The following THRAP3 variants were observed in gnomAD, a reference collection of about 807,000 sequenced individuals.
THRAP3 encodes the protein thyroid hormone receptor associated protein 3.
THRAP3 carries 16 observed loss-of-function variants against 101.0 expected under a neutral mutation model. The observed-to-expected ratio is 0.16, with a 90% CI of 0.11 to 0.24. The LOEUF is 0.24. THRAP3 is among the 10% of genes least tolerant of loss of function. THRAP3 has a pLI of 1.00. For missense variants in THRAP3, 989 were observed against 1,202.7 expected, an observed-to-expected ratio of 0.82 and a Z score of 2.63; for synonymous variants, 407 against 422.6, an observed-to-expected ratio of 0.96 and a Z score of 0.45.
Position 36,301,093 on chromosome 1 carries a change from T to G in THRAP3, c.2502+9T>G, listed in dbSNP as rs753701201. ...GAGCTCGAGGAACCTTTGTAAGACCTTCCCCTCTCCCCCTTTCTCTGAGAC... is the reference window on the plus strand; with the variant it reads ...GAGCTCGAGGAACCTTTGTAAGACCGTCCCCTCTCCCCCTTTCTCTGAGAC... On this transcript the variant is annotated intron_variant, in intron 10 of 11. Transcript: ENST00000354618. 5 of 1,613,036 alleles carry G rather than the reference T, an allele frequency of 3.1e-6. No homozygotes were observed. The highest frequency in any genetic ancestry group is 4.2e-6 in the Non-Finnish European group (5 of 1,179,320).
At chr1:36,301,460 C>T (rs1385914211) in intron 10 of THRAP3, 93 bp from the exon 11 acceptor site, 6 of 1,487,066 alleles carry the variant, frequency 4.0e-6, no homozygotes, top group African/African-American at 2.8e-5. Flanking sequence ...CTGTCTATTC[C>T]ACACCAGAAA....
rs768248188 is a variant in THRAP3 at position 36,296,653 on chromosome 1, A to G, written c.2186A>G (p.Glu729Gly). ...ATTGAACGTCGTAAAAAACATAAGG[A>G]GAGAGATCTTAAACGAGGTAAATCG... Reference protein sequence around the residue: ...LDIERRKKHKERDLKRGKSRE... With the variant: ...LDIERRKKHKGRDLKRGKSRE... Residue 729 changes from glutamate (E) to glycine (G), a missense_variant, in exon 9 of 12, where the codon GAG becomes GGG. Transcript: ENST00000354618. 2 of 1,609,532 alleles carry G rather than the reference A, an allele frequency of 1.2e-6. No homozygotes were observed. The highest frequency in any genetic ancestry group is 3.4e-5 in the Admixed American group (2 of 58,526).
chr1:36,219,997 A>C (rs1352197578), upstream of THRAP3, among the ~76,000 whole-genome samples: 1 of 152,098 alleles, frequency 6.6e-6, no homozygotes, highest in Non-Finnish European at 1.5e-5. Context: ...TGGATGACAG[A>C]ACTTTTTTCT....
intron 8 of THRAP3, among the ~76,000 whole-genome samples, chr1:36,295,579 T>C (rs946639818): frequency 7.0e-6 from 1 of 141,858 alleles, no homozygotes; most frequent in African/African-American, 2.7e-5. Context: ...CTTCCTTCCC[T>C]CCTCCCTTCC....
intron 2 of THRAP3, among the ~76,000 whole-genome samples, chr1:36,263,365 GCT>G (rs1645472775): frequency 6.6e-6 from 1 of 152,122 alleles, no homozygotes; most frequent in Non-Finnish European, 1.5e-5. Context: ...CTCTCAAAGT[GCT>G]AGGATTTCAG....
intron 1 of THRAP3, among the ~76,000 whole-genome samples, chr1:36,235,521 T>C (rs1416978139): frequency 6.6e-6 from 1 of 152,194 alleles, no homozygotes; most frequent in Non-Finnish European, 1.5e-5. Flanking sequence ...TTATTAATAC[T>C]GACAAGTCTC....
intron 2 of THRAP3, among the ~76,000 whole-genome samples, chr1:36,276,865 T>C (rs1345045475): frequency 6.6e-6 from 1 of 151,704 alleles, no homozygotes; most frequent in African/African-American, 2.4e-5. Context: ...TCAAAAAACA[T>C]AAATAAAGAA....
chr1:36,279,056 C>T (rs1191041007), intron 2 of THRAP3, among the ~76,000 whole-genome samples: 1 of 152,146 alleles, frequency 6.6e-6, no homozygotes. Flanking sequence ...CTTGAGTGCA[C>T]TTGTCAATTC....
the THRAP3 span, among the ~76,000 whole-genome samples, chr1:36,218,582 C>A: frequency 6.6e-6 from 1 of 150,432 alleles, no homozygotes; most frequent in Non-Finnish European, 1.5e-5. Flanking sequence ...ATTAGCCAGG[C>A]GTGGTGGCAG....
chr1:36,276,601 A>T (rs928123909), intron 2 of THRAP3, among the ~76,000 whole-genome samples: 2 of 151,906 alleles, frequency 1.3e-5, no homozygotes, highest in Non-Finnish European at 2.9e-5. Flanking sequence ...TCATGCCTGT[A>T]ATCCCAGCAC....
intron 5 of THRAP3, 65 bp from the exon 6 acceptor site, chr1:36,291,309 T>G: frequency 6.7e-7 from 1 of 1,486,416 alleles, no homozygotes; most frequent in Non-Finnish European, 9.1e-7. Flanking sequence ...AAAAGTATTT[T>G]TATGGTTTTA....
chr1:36,255,457 GTC>G (rs1375512015), intron 1 of THRAP3, among the ~76,000 whole-genome samples: 1 of 151,856 alleles, frequency 6.6e-6, no homozygotes, highest in Non-Finnish European at 1.5e-5. Flanking sequence ...GTGAGACCCT[GTC>G]TCTATTTAAT....
In THRAP3 at chr1:36,265,046, C is replaced by T. The variant is rs117062689; in HGVS notation, c.-32+5562C>T. ...TAAGCATCGTATACCTCACTAAAGA[C>T]CCTTAACTTCAAATGAGGTTACATT... On this transcript the variant is annotated intron_variant, in intron 2 of 11. Coordinates refer to ENST00000354618, the MANE Select transcript of THRAP3 (RefSeq NM_005119.4). Among the ~76,000 whole-genome samples the T allele has an allele frequency of 8.9e-4, 135 of 152,248 alleles. No homozygotes were observed. The East Asian group carries it at 0.021, about 24-fold the overall frequency.
chr1:36,276,732 A>G (rs951154244), intron 2 of THRAP3, among the ~76,000 whole-genome samples: 5 of 148,098 alleles, frequency 3.4e-5, no homozygotes, highest in South Asian at 4.3e-4. Context: ...TGTTGCACCA[A>G]TGTAATCCCA....
chr1:36,233,724 C>G (rs968378045), intron 1 of THRAP3, among the ~76,000 whole-genome samples: 2 of 152,022 alleles, frequency 1.3e-5, no homozygotes, highest in African/African-American at 4.8e-5. Flanking sequence ...CAAGATTGCA[C>G]CACTGCACTC....
chr1:36,231,695 A>G (rs1201254615), intron 1 of THRAP3, among the ~76,000 whole-genome samples: 15 of 152,194 alleles, frequency 9.9e-5, no homozygotes, highest in Non-Finnish European at 1.5e-5. Flanking sequence ...AGGAATGCAT[A>G]GAGGTGAGAC....
rs149591519 is a variant in THRAP3, at chr1:36,234,658, C to T, written c.-135+10153C>T. ...TATTTAGCATCTTGCTTCAGAAGAA[C>T]TTAAATTGTAAAAGCCTGTTCTGAT... On this transcript the variant is annotated intron_variant, in intron 1 of 11. Coordinates refer to ENST00000354618, the MANE Select transcript of THRAP3 (RefSeq NM_005119.4). 1.2e-4 allele frequency among the ~76,000 whole-genome samples: 18 copies of T among 152,220 alleles called. No homozygotes were observed. The South Asian group carries it at 1.7e-3, about 14-fold the overall frequency.
At chr1:36,244,461 A>AG (rs1645207257) in intron 1 of THRAP3, among the ~76,000 whole-genome samples, 1 of 152,220 alleles carries the variant, frequency 6.6e-6, no homozygotes, top group Non-Finnish European at 1.5e-5. Flanking sequence ...TGAATTAAAA[A>AG]TTTCATCTAA....
upstream of THRAP3, among the ~76,000 whole-genome samples, chr1:36,220,886 G>A (rs1005479900): frequency 2.1e-4 from 30 of 144,760 alleles, no homozygotes; most frequent in Admixed American, 3.6e-4. Context: ...ACCCGGGGGC[G>A]CAGAGACTGC....
Sources: gnomAD v4.1 joint callset for allele counts (sites outside exome capture counted in the v4.1 genomes callset) on GRCh38, gnomAD v4.1.1 for gene constraint, MANE v1.5 for transcripts, NCBI Gene and HGNC (gene_info 2026-07-23, HGNC 2026-07-21) for gene names.